HS2ST1: variants seen among roughly 807,000 people sequenced by gnomAD.
HS2ST1 encodes heparan sulfate 2-O-sulfotransferase 1.
Under a neutral mutation model 42.9 loss-of-function variants are expected in HS2ST1, and 18 were observed. That is an observed-to-expected ratio of 0.42 (90% CI 0.29 to 0.62). The LOEUF is 0.62. Among genes scored for constraint, HS2ST1 ranks in the 20% least tolerant of loss-of-function variants. The probability of loss-of-function intolerance (pLI) is 0.21; values close to 1 mark genes in which losing one functional copy is unlikely to be tolerated. For missense variants in HS2ST1, 334 were observed against 433.8 expected (o/e 0.77, Z 2.04); for synonymous variants, 146 against 152.9 (o/e 0.95, Z 0.33).
intron 1 of HS2ST1, among the ~76,000 whole-genome samples, chr1:87,036,921 TAA>T (rs1650388543): frequency 6.6e-6 from 1 of 152,184 alleles, no homozygotes; most frequent in South Asian, 2.1e-4. Flanking sequence ...TTTTGATGCT[TAA>T]AAGGATAAGC....
chr1:87,107,087 G>C lies in HS2ST1; in HGVS notation c.*2391G>C, dbSNP rs1436450536. The C allele has an allele frequency of 2.6e-5, 4 of 152,054 alleles. No individual in the cohort carries two copies. The highest frequency in any genetic ancestry group is 4.8e-5 in the African/African-American group (2 of 41,438). The allele number at this position is 152,054 out of a possible 1,614,324, so 9.4% of individuals were successfully genotyped here. On this transcript the variant is annotated 3_prime_UTR_variant, in exon 7 of 7. Transcript: ENST00000370550. ...CAATAAAACTTTATTTACAAAAACA[G>C]ATGACATCCCAGATGCAGACCATGG...
intron 1 of HS2ST1, among the ~76,000 whole-genome samples, chr1:87,000,277 A>C (rs942032167): frequency 6.6e-6 from 1 of 152,224 alleles, no homozygotes; most frequent in Non-Finnish European, 1.5e-5. Context: ...ATACAAATGT[A>C]AACTAATGGA....
intron 2 of HS2ST1, among the ~76,000 whole-genome samples, chr1:87,083,761 T>A (rs1651747299): frequency 6.6e-6 from 1 of 152,204 alleles, no homozygotes; most frequent in Admixed American, 6.5e-5. Flanking sequence ...ACTTTTTATT[T>A]GTTGAGTCAT....
At chr1:87,077,418 T>C (rs559053741) in intron 2 of HS2ST1, among the ~76,000 whole-genome samples, 1 of 152,310 alleles carries the variant, frequency 6.6e-6, no homozygotes, top group South Asian at 2.1e-4. Context: ...CCTCTTAGAA[T>C]GCACTTCTCC....
At chr1:86,993,105 T>C in intron 1 of HS2ST1, 2 of 1,601,378 alleles carry the variant, frequency 1.2e-6, no homozygotes, top group Non-Finnish European at 1.7e-6. Flanking sequence ...AATTCATTCA[T>C]CTCGAAGTAT....
chr1:87,078,117 A>G (rs2100639234), intron 2 of HS2ST1, among the ~76,000 whole-genome samples: 1 of 152,370 alleles, frequency 6.6e-6, no homozygotes, highest in East Asian at 1.9e-4. Context: ...AGTTAATAGT[A>G]GCATTCATTC....
intron 1 of HS2ST1, among the ~76,000 whole-genome samples, chr1:86,923,233 C>T (rs997102634): frequency 3.3e-5 from 5 of 151,996 alleles, no homozygotes; most frequent in Non-Finnish European, 7.4e-5. Context: ...TGTATTAGCC[C>T]GTTTTGACGC....
At chr1:86,942,784 CT>C (rs1660790286) in intron 1 of HS2ST1, among the ~76,000 whole-genome samples, 1 of 152,126 alleles carries the variant, frequency 6.6e-6, no homozygotes, top group South Asian at 2.1e-4. Context: ...TAGTTTTATA[CT>C]GTTTATTTAA....
chr1:87,080,721 CT>C (rs1479058165), intron 2 of HS2ST1, among the ~76,000 whole-genome samples: 1 of 152,178 alleles, frequency 6.6e-6, no homozygotes, highest in African/African-American at 2.4e-5. Context: ...TCCATTCCCC[CT>C]GGTAGCTGCC....
At chr1:87,037,092 A>G (rs1650394007) in intron 1 of HS2ST1, among the ~76,000 whole-genome samples, 1 of 105,170 alleles carries the variant, frequency 9.5e-6, no homozygotes, top group Non-Finnish European at 2.2e-5. Context: ...TATCACATTC[A>G]TGGGTGCTGA....
At chr1:87,071,834 T>G (rs1391279739) in intron 1 of HS2ST1, among the ~76,000 whole-genome samples, 1 of 151,968 alleles carries the variant, frequency 6.6e-6, no homozygotes, top group Non-Finnish European at 1.5e-5. Flanking sequence ...AATGGAAGAT[T>G]GTTCAAGATA....
At chr1:86,945,488 G>A (rs922227967) in intron 1 of HS2ST1, among the ~76,000 whole-genome samples, 2 of 152,264 alleles carry the variant, frequency 1.3e-5, no homozygotes, top group Admixed American at 6.5e-5. Context: ...GACTAAATAG[G>A]TTATAAGACT....
chr1:87,081,752 C>G (rs1233128747), intron 2 of HS2ST1, among the ~76,000 whole-genome samples: 4 of 151,854 alleles, frequency 2.6e-5, no homozygotes, highest in South Asian at 2.1e-4. Context: ...TTTTGGGAGG[C>G]CGAGGCGGGC....
intron 2 of HS2ST1, among the ~76,000 whole-genome samples, chr1:87,080,968 G>T (rs1377104587): frequency 6.6e-6 from 1 of 152,122 alleles, no homozygotes; most frequent in East Asian, 1.9e-4. Context: ...GTGCTTGGGG[G>T]TCCTAAATAA....
chr1:87,044,558 A>T (rs1006126383), intron 1 of HS2ST1, among the ~76,000 whole-genome samples: 1 of 152,172 alleles, frequency 6.6e-6, no homozygotes, highest in Admixed American at 6.5e-5. Context: ...GCTAAAATTA[A>T]TTTTTCTAGC....
intron 1 of HS2ST1, among the ~76,000 whole-genome samples, chr1:87,069,532 T>G (rs979912988): frequency 7.2e-5 from 11 of 152,238 alleles, no homozygotes; most frequent in Non-Finnish European, 1.0e-4. Flanking sequence ...AGAAGAAAGA[T>G]AGTAATTTAT....
At chr1:86,985,226 G>T in intron 1 of HS2ST1, among the ~76,000 whole-genome samples, 1 of 146,078 alleles carries the variant, frequency 6.8e-6, no homozygotes. Flanking sequence ...GTGGTGGCAG[G>T]CGCCTGTAGT....
At chr1:87,006,446 G>C (rs2100573979) in intron 1 of HS2ST1, among the ~76,000 whole-genome samples, 1 of 152,192 alleles carries the variant, frequency 6.6e-6, no homozygotes, top group South Asian at 2.1e-4. Flanking sequence ...ACAGGACTTG[G>C]TTTGCATATA....
At chr1:86,981,813 T>C (rs1648601400) in intron 1 of HS2ST1, among the ~76,000 whole-genome samples, 1 of 152,230 alleles carries the variant, frequency 6.6e-6, no homozygotes, top group South Asian at 2.1e-4. Flanking sequence ...CCTACCTTTC[T>C]GGGGTCTGGA....
Sources: allele counts gnomAD v4.1 joint callset (sites outside exome capture counted in the v4.1 genomes callset), GRCh38; gene constraint gnomAD v4.1.1; transcripts MANE v1.5; gene names NCBI Gene and HGNC (gene_info 2026-07-23, HGNC 2026-07-21).